The following PALD1 variants were observed in gnomAD, a reference collection of about 807,000 sequenced individuals.
The protein encoded by PALD1 is paladin.
Under a neutral mutation model 96.0 loss-of-function variants are expected in PALD1, and 57 were observed. The observed-to-expected ratio is 0.59, with a 90% confidence interval of 0.48 to 0.74. The LOEUF is 0.74. Ranked by LOEUF, PALD1 falls within the 30% of genes least tolerant of loss-of-function variation. The probability of loss-of-function intolerance (pLI) is 0.00; values close to 1 mark genes in which losing one functional copy is unlikely to be tolerated. For synonymous variants in PALD1, 464 were observed against 473.6 expected (o/e 0.98, Z 0.26); for missense variants, 1,063 against 1,143.7 (o/e 0.93, Z 1.02).
upstream of PALD1, among the ~76,000 whole-genome samples, chr10:70,476,875 G>A (rs1374938102): frequency 7.2e-6 from 1 of 139,672 alleles, no homozygotes; most frequent in Non-Finnish European, 1.5e-5. Context: ...GGAGGGTGAG[G>A]GGAAGCAAAG....
intron 1 of PALD1, among the ~76,000 whole-genome samples, chr10:70,489,262 C>G (rs1846063643): frequency 6.6e-6 from 1 of 152,274 alleles, no homozygotes; most frequent in South Asian, 2.1e-4. Context: ...CCAACCCCAA[C>G]CAATGAGACT....
intron 1 of PALD1, among the ~76,000 whole-genome samples, chr10:70,512,985 A>G (rs1846543155): frequency 6.6e-6 from 1 of 152,216 alleles, no homozygotes; most frequent in Non-Finnish European, 1.5e-5. Context: ...AACTATGATG[A>G]TCATACAGAT....
At chr10:70,542,568 T>A (rs551765727) in intron 17 of PALD1, among the ~76,000 whole-genome samples, 1 of 152,380 alleles carries the variant, frequency 6.6e-6, no homozygotes, top group East Asian at 1.9e-4. Flanking sequence ...CTGAGCATAA[T>A]GTTCTCAAGG....
chr10:70,550,497 C>T (rs971235753), intron 18 of PALD1, among the ~76,000 whole-genome samples: 4 of 152,176 alleles, frequency 2.6e-5, no homozygotes, highest in African/African-American at 9.7e-5. Flanking sequence ...AATTCATGTG[C>T]CATGCAATTC....
intron 18 of PALD1, 35 bp from the exon 19 acceptor site, chr10:70,564,329 C>T: frequency 3.8e-6 from 6 of 1,594,008 alleles, no homozygotes; most frequent in Non-Finnish European, 5.1e-6. Flanking sequence ...GACACGGATC[C>T]CCCCACACTG....
chr10:70,539,377 G>C lies in PALD1; in HGVS notation c.1725+130G>C. ...TGAGGCCCCGGGAGGAGCAGTGTCA[G>C]GGAGTGGCCAACTCAGGATTCCCAC... On this transcript the variant is annotated intron_variant, in intron 14 of 19. Coordinates refer to ENST00000263563, the MANE Select transcript of PALD1 (RefSeq NM_014431.3). The surrounding 1 kb of genome is among the most constrained non-coding windows in gnomAD (Gnocchi z 4.5). The C allele has an allele frequency of 9.0e-7, 1 of 1,105,366 alleles. No homozygotes were observed. Among genetic ancestry groups the C allele is most frequent in the South Asian group, 1.6e-5 (1 of 62,106 alleles). 68.5% of individuals were successfully genotyped at this position (1,105,366 alleles called of 1,614,324 possible). A position where few individuals can be genotyped will look rare whatever the true frequency, so the allele number is the denominator to read the frequency against.
rs572187688 is a variant in PALD1, at chr10:70,565,669, C to G, written c.2419-912C>G. Among the ~76,000 whole-genome samples the G allele has an allele frequency of 4.0e-3, 612 of 152,216 alleles. 7 individuals are homozygous for G. The highest frequency in any genetic ancestry group is 5.8e-3 in the Non-Finnish European group (397 of 68,006). Reference sequence around the variant, plus strand: ...AGGTGGAGAAGCATTTGAAATGCCCCCGGTGCATGTGATGTGTGTTGAGTC... The same window carrying G: ...AGGTGGAGAAGCATTTGAAATGCCCGCGGTGCATGTGATGTGTGTTGAGTC... On this transcript the variant is annotated intron_variant, in intron 19 of 19. Transcript: ENST00000263563.
chr10:70,554,441 TAAAC>T (rs71012213), intron 18 of PALD1, among the ~76,000 whole-genome samples: 3 of 149,332 alleles, frequency 2.0e-5, no homozygotes, highest in Non-Finnish European at 3.0e-5. Context: ...AACAAACAAA[TAAAC>T]AAACAAACTG....
At chr10:70,499,395 C>G (rs1786353298) in intron 1 of PALD1, among the ~76,000 whole-genome samples, 1 of 152,224 alleles carries the variant, frequency 6.6e-6, no homozygotes, top group Non-Finnish European at 1.5e-5. Context: ...TTCTGAAAGC[C>G]TCTTTATGCA....
At chr10:70,504,662 C>T (rs1049624419) in intron 1 of PALD1, among the ~76,000 whole-genome samples, 1 of 152,130 alleles carries the variant, frequency 6.6e-6, no homozygotes, top group African/African-American at 2.4e-5. Context: ...GGAAGCGTGG[C>T]ATTGCCTTTC....
chr10:70,497,130 G>A (rs1270687071), intron 1 of PALD1, among the ~76,000 whole-genome samples: 2 of 152,252 alleles, frequency 1.3e-5, no homozygotes, highest in African/African-American at 4.8e-5. Context: ...TTTGCCCTAC[G>A]TGGTGGTTGG....
At chr10:70,460,759 G>A in the PALD1 span, among the ~76,000 whole-genome samples, 2 of 152,156 alleles carry the variant, frequency 1.3e-5, no homozygotes, top group African/African-American at 4.8e-5. Flanking sequence ...CCTGTAGGAT[G>A]AAATACAAGC....
intron 4 of PALD1, 151 bp downstream of exon 4, chr10:70,530,219 T>G: frequency 3.4e-6 from 2 of 590,996 alleles, no homozygotes; most frequent in Non-Finnish European, 5.5e-6. Flanking sequence ...GCCAGGATGG[T>G]CACTGCTGTT....
chr10:70,495,485 G>A (rs1055865321), intron 1 of PALD1, among the ~76,000 whole-genome samples: 9 of 152,072 alleles, frequency 5.9e-5, no homozygotes, highest in Non-Finnish European at 1.3e-4. Context: ...AAGCAGACAG[G>A]GTTGGAATTA....
chr10:70,555,557 T>C (rs10999389), intron 18 of PALD1, among the ~76,000 whole-genome samples: 2,468 of 152,238 alleles, frequency 0.016, 61 homozygotes, highest in African/African-American at 0.056. Context: ...ACTGCCTGGG[T>C]TGGTGCAGAG....
chr10:70,531,707 GT>G (rs139338905), intron 5 of PALD1, among the ~76,000 whole-genome samples: 2,838 of 152,168 alleles, frequency 0.019, 78 homozygotes, highest in African/African-American at 0.063. Context: ...TTAGAAAGGG[GT>G]CTGGTGGGCC....
At position 70,508,843 on chromosome 10, in the gene PALD1, C is replaced by G. The variant is rs1156657923; in HGVS notation, c.-29-17080C>G. 7.4e-5 allele frequency among the ~76,000 whole-genome samples: 7 copies of G among 94,610 alleles called. 1 individual carries two copies. Among genetic ancestry groups the G allele is most frequent in the South Asian group, 3.6e-4 (1 of 2,814 alleles). 62.1% of individuals were successfully genotyped at this position (94,610 alleles called of 152,430 possible). ...TGCAGGCCTGTGGGAGCTGCGGAAC[C>G]TGTGTGTGTGTGTGCAGGCCTGTGG... On this transcript the variant is annotated intron_variant, in intron 1 of 19. Coordinates refer to ENST00000263563, the MANE Select transcript of PALD1 (RefSeq NM_014431.3).
chr10:70,544,121 C>T (rs1446402092), intron 17 of PALD1, among the ~76,000 whole-genome samples: 4 of 152,172 alleles, frequency 2.6e-5, no homozygotes, highest in Admixed American at 2.0e-4. Flanking sequence ...TGAAGAGGCC[C>T]AGAGCAGACA....
chr10:70,507,025 T>G (rs910473575), intron 1 of PALD1, among the ~76,000 whole-genome samples: 1 of 152,146 alleles, frequency 6.6e-6, no homozygotes, highest in Non-Finnish European at 1.5e-5. Flanking sequence ...GCTGTCTGGT[T>G]TATTCTCACA....
Sources: allele counts gnomAD v4.1 joint callset (sites outside exome capture counted in the v4.1 genomes callset), GRCh38; gene constraint gnomAD v4.1.1; non-coding constraint Gnocchi (gnomAD v3.1); transcripts MANE v1.5; gene names NCBI Gene and HGNC (gene_info 2026-07-23, HGNC 2026-07-21).